The following STON2 variants were observed in gnomAD, a reference collection of about 807,000 sequenced individuals.
STON2 encodes the protein stonin-2.
A neutral mutation model predicts 65.7 loss-of-function variants in STON2; 29 were observed. The observed-to-expected ratio is 0.44, with a 90% CI of 0.33 to 0.60. The LOEUF is 0.60. STON2 is among the 20% of genes least tolerant of loss of function. STON2 has a pLI of 0.03. For missense variants in STON2, 1,054 were observed against 1,118.1 expected (o/e 0.94, Z 0.82); for synonymous variants, 404 against 414.2 (o/e 0.98, Z 0.30).
intron 3 of STON2, among the ~76,000 whole-genome samples, chr14:81,391,833 C>A (rs1008737546): frequency 3.3e-5 from 5 of 152,138 alleles, no homozygotes; most frequent in Non-Finnish European, 7.3e-5. Context: ...CTACAGGACC[C>A]TCCTAAGGTA....
chr14:81,374,476 G>A (rs1373677714), intron 3 of STON2, among the ~76,000 whole-genome samples: 1 of 152,148 alleles, frequency 6.6e-6, no homozygotes, highest in Non-Finnish European at 1.5e-5. Context: ...CCAGCAAAGT[G>A]TGTGGGTGGG....
At chr14:81,386,869 C>G (rs552018070) in intron 3 of STON2, among the ~76,000 whole-genome samples, 3 of 152,104 alleles carry the variant, frequency 2.0e-5, no homozygotes, top group African/African-American at 7.2e-5. Flanking sequence ...TCTAAACACA[C>G]CCACACTTGT....
At chr14:81,406,004 C>T (rs1183034249) in intron 2 of STON2, among the ~76,000 whole-genome samples, 2 of 152,190 alleles carry the variant, frequency 1.3e-5, no homozygotes, top group African/African-American at 4.8e-5. Context: ...CTTCATCTTT[C>T]TCCCATGCTG....
intron 5 of STON2, among the ~76,000 whole-genome samples, chr14:81,279,251 C>T (rs1191097938): frequency 1.3e-5 from 2 of 152,060 alleles, no homozygotes; most frequent in Admixed American, 1.3e-4. Flanking sequence ...AACAGTTAAC[C>T]TTCTTAATAT....
rs1412593414 is a variant in STON2, at chr14:81,266,009, T to G, written c.*2405A>C. 2.0e-6 allele frequency: 2 copies of G among 985,346 alleles called. No individual in the cohort carries two copies. The highest frequency in any genetic ancestry group is 1.7e-5 in the African/African-American group (1 of 57,250). The allele number at this position is 985,346 out of a possible 1,614,324, so 61.0% of individuals were successfully genotyped here. A position where few individuals can be genotyped will look rare whatever the true frequency, so the allele number is the denominator to read the frequency against. On this transcript the variant is annotated 3_prime_UTR_variant, in exon 8 of 8. Transcript: ENST00000614646. Reference sequence around the variant, plus strand: ...GCCTTCAGTACAACAGGGGAAGAGATATGCGTTGAAATTCCTTGACAAAAA... The same window carrying G: ...GCCTTCAGTACAACAGGGGAAGAGAGATGCGTTGAAATTCCTTGACAAAAA...
intron 2 of STON2, among the ~76,000 whole-genome samples, chr14:81,424,513 AT>A (rs1373987277): frequency 6.9e-6 from 1 of 145,640 alleles, no homozygotes; most frequent in Non-Finnish European, 1.5e-5. Flanking sequence ...AAAAAAAAAA[AT>A]GGAAAATACA....
At chr14:81,434,584 C>T (rs2139938471) in intron 1 of STON2, among the ~76,000 whole-genome samples, 1 of 152,214 alleles carries the variant, frequency 6.6e-6, no homozygotes, top group African/African-American at 2.4e-5. Context: ...CATCCTTTCC[C>T]CAGTTCCTAG....
At chr14:81,339,329 A>T (rs985764642) in intron 4 of STON2, among the ~76,000 whole-genome samples, 5 of 152,168 alleles carry the variant, frequency 3.3e-5, no homozygotes, top group Non-Finnish European at 7.4e-5. Context: ...GTCAGGGTTT[A>T]GGCAGGGGAA....
At chr14:81,403,095 T>G (rs564780625), upstream of STON2, among the ~76,000 whole-genome samples, 1 of 152,362 alleles carries the variant, frequency 6.6e-6, no homozygotes, top group Non-Finnish European at 1.5e-5. Flanking sequence ...TTCTCTCCCC[T>G]TGTGAATCCT....
chr14:81,423,456 C>G (rs1317115814), intron 2 of STON2, among the ~76,000 whole-genome samples: 1 of 152,176 alleles, frequency 6.6e-6, no homozygotes, highest in East Asian at 1.9e-4. Flanking sequence ...AACAACTTAT[C>G]TGGCTCAAGT....
chr14:81,339,719 C>T (rs1897518773), intron 4 of STON2, among the ~76,000 whole-genome samples: 2 of 152,112 alleles, frequency 1.3e-5, no homozygotes, highest in South Asian at 4.1e-4. Flanking sequence ...GAGTGGCTTA[C>T]CTGCTCCTCA....
chr14:81,344,506 T>C (rs1199658053), intron 4 of STON2, among the ~76,000 whole-genome samples: 6 of 152,370 alleles, frequency 3.9e-5, no homozygotes, highest in Admixed American at 3.9e-4. Flanking sequence ...TTTCCATGAC[T>C]GCATAGTATT....
chr14:81,402,415 C>T (rs1221701813), upstream of STON2, among the ~76,000 whole-genome samples: 1 of 152,186 alleles, frequency 6.6e-6, no homozygotes, highest in Non-Finnish European at 1.5e-5. Context: ...AAAACAATAA[C>T]CTCTGCTCTC....
intron 5 of STON2, among the ~76,000 whole-genome samples, chr14:81,314,017 G>A (rs1314564378): frequency 2.6e-5 from 4 of 152,218 alleles, no homozygotes; most frequent in African/African-American, 9.6e-5. Flanking sequence ...AGTTAGGGAA[G>A]AAGTAAGCGA....
intron 7 of STON2, chr14:81,269,623 T>C (rs1391771147): frequency 1.0e-6 from 1 of 985,268 alleles, no homozygotes; most frequent in Non-Finnish European, 1.2e-6. Context: ...GGAGTGTTTG[T>C]TCCTTTTGGT....
chr14:81,272,408 T>C (rs1894637524), intron 6 of STON2, among the ~76,000 whole-genome samples: 1 of 152,152 alleles, frequency 6.6e-6, no homozygotes, highest in African/African-American at 2.4e-5. Context: ...CAACATGAAA[T>C]GACCTTGCCT....
chr14:81,282,479 C>T (rs1895162170), intron 5 of STON2, among the ~76,000 whole-genome samples: 1 of 152,084 alleles, frequency 6.6e-6, no homozygotes. Context: ...AATAAATGCT[C>T]AGTAGATGTA....
At chr14:81,366,078 C>T (rs1052532455) in intron 4 of STON2, among the ~76,000 whole-genome samples, 4 of 152,206 alleles carry the variant, frequency 2.6e-5, no homozygotes, top group Admixed American at 1.3e-4. Context: ...TCCTGCCATT[C>T]GCTCTTGAGA....
At chr14:81,286,071 C>T (rs1595294521) in intron 5 of STON2, among the ~76,000 whole-genome samples, 1 of 152,188 alleles carries the variant, frequency 6.6e-6, no homozygotes, top group East Asian at 1.9e-4. Flanking sequence ...TCACTTGAAC[C>T]CAGGAGGTGA....
Sources: gnomAD v4.1 joint callset for allele counts (sites outside exome capture counted in the v4.1 genomes callset) on GRCh38, gnomAD v4.1.1 for gene constraint, MANE v1.5 for transcripts, NCBI Gene and HGNC (gene_info 2026-07-23, HGNC 2026-07-21) for gene names.